Variants in BICC1 observed in about 807,000 individuals in gnomAD.
BICC1 encodes the protein protein bicaudal C homolog 1.
In BICC1, 43 loss-of-function variants were observed where a neutral mutation model predicts 111.0. The ratio of observed to expected loss-of-function variants is 0.39; its 90% CI spans 0.30 to 0.50. BICC1 has a LOEUF of 0.50. Among genes scored for constraint, BICC1 ranks in the 20% least tolerant of loss-of-function variants. The probability of loss-of-function intolerance (pLI) is 0.88; values close to 1 mark genes in which losing one functional copy is unlikely to be tolerated. For missense variants in BICC1, 1,091 were observed against 1,203.2 expected (o/e 0.91, Z 1.38); for synonymous variants, 467 against 434.4 (o/e 1.07, Z -0.93).
chr10:58,804,291 G>A (rs952866541), intron 15 of BICC1, among the ~76,000 whole-genome samples: 3 of 152,104 alleles, frequency 2.0e-5, no homozygotes, highest in African/African-American at 7.2e-5. Context: ...CGAGGCAGGT[G>A]GATTGCTTGA....
intron 2 of BICC1, among the ~76,000 whole-genome samples, chr10:58,685,035 C>A (rs1000025774): frequency 5.3e-5 from 8 of 152,196 alleles, no homozygotes; most frequent in African/African-American, 1.9e-4. Flanking sequence ...CTACACACTG[C>A]TTTAAATGTG....
chr10:58,779,900 A>AT (rs1009696912), intron 3 of BICC1, among the ~76,000 whole-genome samples: 5 of 151,890 alleles, frequency 3.3e-5, no homozygotes, highest in East Asian at 1.9e-4. Context: ...TCTTTCTGAG[A>AT]TTTTTTTCAC....
At chr10:58,770,666 AG>A (rs957287471) in intron 3 of BICC1, among the ~76,000 whole-genome samples, 4 of 152,160 alleles carry the variant, frequency 2.6e-5, no homozygotes, top group Admixed American at 6.5e-5. Flanking sequence ...CATAATAAAA[AG>A]GTTGTTTATA....
Position 58,793,508 on chromosome 10 carries a change from T to C in BICC1, c.1072T>C (p.Phe358Leu). The C allele has an allele frequency of 6.2e-7, 1 of 1,612,692 alleles. No homozygotes were observed. Among genetic ancestry groups the C allele is most frequent in the South Asian group, 1.1e-5 (1 of 90,830 alleles). ...LMGCLPLVLM[F>L]DMKEEIEVDP... is the part of the protein sequence containing the mutation. Reference sequence around the variant, plus strand: ...GGGTTGTCTTCCTCTTGTGTTGATGTTTGATATGAAGGAAGAAATTGAAGT... The same window carrying C: ...GGGTTGTCTTCCTCTTGTGTTGATGCTTGATATGAAGGAAGAAATTGAAGT... The change falls in exon 9 of 21, where the codon TTT becomes CTT. Residue 358 changes from phenylalanine (F) to leucine (L), a missense_variant. By Grantham distance (22) the Phe-to-Leu change is conservative (BLOSUM62 0). Coordinates refer to ENST00000373886, the MANE Select transcript of BICC1 (RefSeq NM_001080512.3).
chr10:58,571,340 T>C (rs2131981404), intron 1 of BICC1, among the ~76,000 whole-genome samples: 1 of 152,290 alleles, frequency 6.6e-6, no homozygotes, highest in Admixed American at 6.5e-5. Context: ...TTTCCAACTT[T>C]TATTGTAAGT....
At chr10:58,795,660 T>C (rs1304598023) in intron 9 of BICC1, among the ~76,000 whole-genome samples, 1 of 152,138 alleles carries the variant, frequency 6.6e-6, no homozygotes, top group African/African-American at 2.4e-5. Flanking sequence ...ATTTTTTTTT[T>C]TTTTGGTCCA....
At chr10:58,561,036 G>C (rs1408370578) in intron 1 of BICC1, among the ~76,000 whole-genome samples, 1 of 151,962 alleles carries the variant, frequency 6.6e-6, no homozygotes, top group Non-Finnish European at 1.5e-5. Flanking sequence ...GTAAATGTCT[G>C]TCAGGTCCAT....
chr10:58,708,302 T>C lies in BICC1; in HGVS notation c.307+6159T>C, dbSNP rs575701259. ...CCACCATGCCTGGCCAATATTTAATTGATAGAATACTTTACATATTTATAG... is the reference window on the plus strand; with the variant it reads ...CCACCATGCCTGGCCAATATTTAATCGATAGAATACTTTACATATTTATAG... On this transcript the variant is annotated intron_variant, in intron 3 of 20. Transcript: ENST00000373886. 3.4e-3 allele frequency among the ~76,000 whole-genome samples: 519 copies of C among 152,186 alleles called. 3 individuals carry two copies. The highest frequency in any genetic ancestry group is 5.3e-3 in the Non-Finnish European group (358 of 68,018).
intron 2 of BICC1, among the ~76,000 whole-genome samples, chr10:58,631,531 G>C (rs540121487): frequency 6.6e-6 from 1 of 151,728 alleles, no homozygotes; most frequent in East Asian, 1.9e-4. Context: ...CAAGAAATGT[G>C]TACATATGGC....
chr10:58,582,093 C>T (rs1441986030), intron 1 of BICC1, among the ~76,000 whole-genome samples: 2 of 152,168 alleles, frequency 1.3e-5, no homozygotes, highest in African/African-American at 4.8e-5. Context: ...ATTGCTCCTT[C>T]TTAGTACTCA....
chr10:58,801,881 A>G (rs1469355923), intron 14 of BICC1, among the ~76,000 whole-genome samples: 1 of 152,120 alleles, frequency 6.6e-6, no homozygotes, highest in Non-Finnish European at 1.5e-5. Context: ...TAATGTTCTC[A>G]TTATAGGCTA....
chr10:58,823,083 G>A (rs879556666), intron 20 of BICC1: 1 of 250,788 alleles, frequency 4.0e-6, no homozygotes, highest in African/African-American at 2.7e-5. Flanking sequence ...TTTTTTTTTT[G>A]GAAAATTCAC....
At chr10:58,539,684 A>G (rs1342613895) in intron 1 of BICC1, among the ~76,000 whole-genome samples, 1 of 151,944 alleles carries the variant, frequency 6.6e-6, no homozygotes, top group Non-Finnish European at 1.5e-5. Flanking sequence ...AGAAATAGTA[A>G]CATAATAATA....
chr10:58,734,615 T>A (rs1260237894), intron 3 of BICC1, among the ~76,000 whole-genome samples: 1 of 152,202 alleles, frequency 6.6e-6, no homozygotes, highest in Admixed American at 6.6e-5. Flanking sequence ...AAATTGTGTT[T>A]GGGTTTTCAG....
intron 17 of BICC1, among the ~76,000 whole-genome samples, chr10:58,811,366 A>G (rs1232610924): frequency 6.6e-6 from 1 of 152,222 alleles, no homozygotes; most frequent in East Asian, 1.9e-4. Context: ...TAGCACTGAT[A>G]GTAACGAGGT....
At chr10:58,517,797 AG>A (rs1184497551) in intron 1 of BICC1, among the ~76,000 whole-genome samples, 1 of 152,174 alleles carries the variant, frequency 6.6e-6, no homozygotes. Context: ...GAAAATGAAG[AG>A]GAAAAAGGTG....
rs1395563112 is a variant in BICC1 at position 58,820,983 on chromosome 10, T to C, written c.2794+515T>C. 5.3e-5 allele frequency among the ~76,000 whole-genome samples: 8 copies of C among 152,264 alleles called. No individual in the cohort carries two copies. In the East Asian group the frequency reaches 1.5e-3, roughly 29 times the overall value. Reference sequence around the variant, plus strand: ...AATTTATGAGTCACAGGACATAGTATCCTGAAGATAGTCACAGAATGAAGG... The same window carrying C: ...AATTTATGAGTCACAGGACATAGTACCCTGAAGATAGTCACAGAATGAAGG... On this transcript the variant is annotated intron_variant, in intron 20 of 20. Transcript: ENST00000373886.
At chr10:58,529,579 A>G (rs1658481) in intron 1 of BICC1, among the ~76,000 whole-genome samples, 69,741 of 151,648 alleles carry the variant, frequency 0.46, 17,093 homozygotes, top group Admixed American at 0.62. Flanking sequence ...TAATGATTTA[A>G]CTTCAAGCCA....
intron 1 of BICC1, among the ~76,000 whole-genome samples, chr10:58,573,226 G>A (rs569986036): frequency 6.6e-6 from 1 of 152,220 alleles, no homozygotes; most frequent in East Asian, 1.9e-4. Context: ...ATTGGGTTCA[G>A]TTTATAGCAT....
Sources: gnomAD v4.1 joint callset for allele counts (sites outside exome capture counted in the v4.1 genomes callset) on GRCh38, gnomAD v4.1.1 for gene constraint, MANE v1.5 for transcripts, NCBI Gene and HGNC (gene_info 2026-07-23, HGNC 2026-07-21) for gene names.